TRIM11: variants seen among roughly 807,000 people sequenced by gnomAD.
TRIM11 encodes tripartite motif containing 11, also known as E3 ubiquitin-protein ligase TRIM11.
A neutral mutation model predicts 33.4 loss-of-function variants in TRIM11; 15 were observed. The observed-to-expected ratio is 0.45, with a 90% CI of 0.30 to 0.69. The LOEUF is 0.69. TRIM11 is among the 30% of genes least tolerant of loss of function. The pLI is 0.08. For missense variants in TRIM11, 499 were observed against 667.6 expected, an observed-to-expected ratio of 0.75 and a Z score of 2.78; for synonymous variants, 281 against 302.6, an observed-to-expected ratio of 0.93 and a Z score of 0.74.
chr1:228,395,010 TCTC>T lies in TRIM11; in HGVS notation c.1099_1101del (p.Glu367del), dbSNP rs747946142. The stretch of plus-strand genomic sequence containing the variant: ...CCGTTGCCCGCGGACAGCTCGCCCT[TCTC>T]CTTCCTGTTCACGTTCTCCCTGCAC... On this transcript the variant is annotated inframe_deletion, in exon 6 of 6. Transcript: ENST00000284551. This position sits in a 1 kb window ranked among gnomAD's most constrained non-coding sequence, Gnocchi z 4.8. 3 of 1,614,016 alleles carry T rather than the reference TCTC, an allele frequency of 1.9e-6. No homozygotes were observed. The highest frequency in any genetic ancestry group is 2.5e-6 in the Non-Finnish European group (3 of 1,179,978).
chr1:228,406,639 G>A lies in TRIM11; in HGVS notation c.-78C>T. 5.3e-6 allele frequency: 7 copies of A among 1,314,482 alleles called. No homozygotes were observed. Among genetic ancestry groups the A allele is most frequent in the Middle Eastern group, 2.8e-4 (1 of 3,536 alleles). 81.4% of individuals were successfully genotyped at this position (1,314,482 alleles called of 1,614,324 possible). A position where few individuals can be genotyped will look rare whatever the true frequency, so the allele number is the denominator to read the frequency against. On this transcript the variant is annotated 5_prime_UTR_variant, in exon 1 of 6. Coordinates refer to ENST00000284551, the MANE Select transcript of TRIM11 (RefSeq NM_145214.3). The surrounding 1 kb of genome is among the most constrained non-coding windows in gnomAD (Gnocchi z 8.2). ...GCCTCGGCAGCTCGCGGGGACGCGG[G>A]GTATCCGGGTGCGGCGGCGCAGGCT...
chr1:228,402,287 AG>A, intron 1 of TRIM11, 126 bp from the exon 2 acceptor site: 1 of 670,890 alleles, frequency 1.5e-6, no homozygotes. Context: ...CTGGTGAATC[AG>A]GGAACTCAAT....
chr1:228,400,690 C>G lies in TRIM11; in HGVS notation c.735+274G>C, dbSNP rs1656175840. 6.6e-6 allele frequency among the ~76,000 whole-genome samples: 1 copy of G among 152,174 alleles called. No individual in the cohort carries two copies. Among genetic ancestry groups the G allele is most frequent in the Non-Finnish European group, 1.5e-5 (1 of 68,020 alleles). On this transcript the variant is annotated intron_variant, in intron 3 of 5. Coordinates refer to ENST00000284551, the MANE Select transcript of TRIM11 (RefSeq NM_145214.3). The surrounding 1 kb of genome is among the most constrained non-coding windows in gnomAD (Gnocchi z 4.5). ...TGTCAGTCAGGACGAGATGGAGTGACCTTATGTAATCACTTAAGAAACATC... is the reference window on the plus strand; with the variant it reads ...TGTCAGTCAGGACGAGATGGAGTGAGCTTATGTAATCACTTAAGAAACATC...
Position 228,397,172 on chromosome 1 carries a change from G to T in TRIM11, c.736-7C>A. The T allele has an allele frequency of 6.2e-7, 1 of 1,611,918 alleles. No individual in the cohort carries two copies. Among genetic ancestry groups the T allele is most frequent in the Non-Finnish European group, 8.5e-7 (1 of 1,178,648 alleles). On this transcript the variant is annotated splice_polypyrimidine_tract_variant and splice_region_variant and intron_variant, in intron 3 of 5. Coordinates refer to ENST00000284551, the MANE Select transcript of TRIM11 (RefSeq NM_145214.3). ...GCAGGGCGTCCTTGATGTCCTATGT[G>T]GGGAGGAGAAACAGCACACTCGGTG...
chr1:228,402,086 C>T lies in TRIM11; in HGVS notation c.484G>A (p.Glu162Lys). 1 of 1,613,136 alleles carries T rather than the reference C, an allele frequency of 6.2e-7. No individual in the cohort carries two copies. The change falls in exon 2 of 6, where the codon GAG (glutamate) becomes AAG (lysine). Residue 162 changes from glutamate (E) to lysine (K), a missense_variant. By Grantham distance (56) the Glu-to-Lys change is moderately conservative. Transcript: ENST00000284551. ...DALLFQAQAD[E>K]TCVLWQKMVE... ...CCTGCCTGCCACAAGACGCAGGTCT[C>T]ATCCGCCTGGGCTTGGAACAGCAAC... is the stretch of plus-strand genomic sequence containing the variant.
Position 228,394,683 on chromosome 1 carries a change from G to A in TRIM11, c.*22C>T, listed in dbSNP as rs775729615. On this transcript the variant is annotated 3_prime_UTR_variant, in exon 6 of 6. Coordinates refer to ENST00000284551, the MANE Select transcript of TRIM11 (RefSeq NM_145214.3). The surrounding 1 kb of genome is among the most constrained non-coding windows in gnomAD (Gnocchi z 6.2). The stretch of plus-strand genomic sequence containing the variant: ...CCTGGAGGGGCAGGAGAGGCAACAG[G>A]ACTCCTCCAGGAGGGCCCGAGTCAC... 16 of 1,565,808 alleles carry A rather than the reference G, an allele frequency of 1.0e-5. No individual in the cohort carries two copies. The highest frequency in any genetic ancestry group is 1.4e-5 in the Non-Finnish European group (16 of 1,152,928).
Position 228,395,533 on chromosome 1 carries a change from T to A in TRIM11, c.860-281A>T, listed in dbSNP as rs1329419864. 57 of 267,156 alleles carry A rather than the reference T, an allele frequency of 2.1e-4. No individual in the cohort carries two copies. The highest frequency in any genetic ancestry group is 3.9e-4 in the East Asian group (6 of 15,488). The allele number at this position is 267,156 out of a possible 1,614,324, so 16.5% of individuals were successfully genotyped here. On this transcript the variant is annotated intron_variant, in intron 5 of 5. Coordinates refer to ENST00000284551, the MANE Select transcript of TRIM11 (RefSeq NM_145214.3). This position sits in a 1 kb window ranked among gnomAD's most constrained non-coding sequence, Gnocchi z 4.8. ...TCTTGGTTGCTTTTTTTTTTTTTTT[T>A]AAAGAGGCAGGGTCTTGCTCTGTGG...
rs1457065135 is a variant in TRIM11, at chr1:228,395,946, G to A, written c.860-694C>T. The A allele has an allele frequency of 6.6e-6, 1 of 152,368 alleles. No homozygotes were observed. Among genetic ancestry groups the A allele is most frequent in the East Asian group, 1.9e-4 (1 of 5,196 alleles). 9.4% of individuals were successfully genotyped at this position (152,368 alleles called of 1,614,324 possible). A position where few individuals can be genotyped will look rare whatever the true frequency, so the allele number is the denominator to read the frequency against. On this transcript the variant is annotated intron_variant, in intron 5 of 5. Transcript: ENST00000284551. This position sits in a 1 kb window ranked among gnomAD's most constrained non-coding sequence, Gnocchi z 4.8. ...CCTGCACACAGTTCCTACACAACAG[G>A]CTCCTGACCTGCTAGCAAGAGCTGA...
chr1:228,399,879 C>CAAAAAAAAAAAAAAA (rs55896989), intron 3 of TRIM11, among the ~76,000 whole-genome samples: 1 of 115,960 alleles, frequency 8.6e-6, no homozygotes. Flanking sequence ...CTTAAATCTA[C>CAAAAAAAAAAAAAAA]AAAAAAAAAA....
Position 228,401,993 on chromosome 1 carries a change from C to T in TRIM11, c.504+73G>A, listed in dbSNP as rs2149093340. The T allele has an allele frequency of 1.6e-6, 2 of 1,289,596 alleles. No individual in the cohort carries two copies. The highest frequency in any genetic ancestry group is 1.5e-5 in the African/African-American group (1 of 66,906). The allele number at this position is 1,289,596 out of a possible 1,614,324, so 79.9% of individuals were successfully genotyped here. ...GGCAAGTGTGCCTGGCCAGCATCGC[C>T]CCCTGGGGTCTCCTATACAGGACCT... On this transcript the variant is annotated intron_variant, in intron 2 of 5. Coordinates refer to ENST00000284551, the MANE Select transcript of TRIM11 (RefSeq NM_145214.3). The surrounding 1 kb of genome is among the most constrained non-coding windows in gnomAD (Gnocchi z 6.1).
intron 1 of TRIM11, 63 bp from the exon 2 acceptor site, chr1:228,402,224 C>T (rs778574190): frequency 1.6e-6 from 2 of 1,286,838 alleles, no homozygotes; most frequent in African/African-American, 1.5e-5. Flanking sequence ...TGCCCTTTTG[C>T]ACCTGACACC....
chr1:228,397,193 CG>C, intron 3 of TRIM11, 28 bp from the exon 4 acceptor site: 1 of 1,606,864 alleles, frequency 6.2e-7, no homozygotes. Flanking sequence ...ACAGCACACT[CG>C]GTGTCAGTGA....
At position 228,401,272 on chromosome 1, in the gene TRIM11, C is replaced by A; in HGVS notation, c.505-78G>T. ...ACCCCAAGTTTGGTCAGACCCCAAG[C>A]CCACCCAGAGGCCTGGCTGCACCCA... On this transcript the variant is annotated intron_variant, in intron 2 of 5. Transcript: ENST00000284551. This position sits in a 1 kb window ranked among gnomAD's most constrained non-coding sequence, Gnocchi z 6.1. The A allele has an allele frequency of 1.3e-6, 2 of 1,521,322 alleles. No homozygotes were observed. Among genetic ancestry groups the A allele is most frequent in the Non-Finnish European group, 1.8e-6 (2 of 1,128,598 alleles). The allele number at this position is 1,521,322 out of a possible 1,614,324, so 94.2% of individuals were successfully genotyped here.
intron 3 of TRIM11, 86 bp from the exon 4 acceptor site, chr1:228,397,251 C>A: frequency 6.7e-7 from 1 of 1,490,808 alleles, no homozygotes; most frequent in Non-Finnish European, 9.1e-7. Context: ...GAGCCTCGCC[C>A]CGTCCCCCTC....
rs2074968222 is a variant in TRIM11, at chr1:228,395,008, C to G, written c.1104G>C (p.Lys368Asn). ...AGCCGTTGCCCGCGGACAGCTCGCCCTTCTCCTTCCTGTTCACGTTCTCCC... is the reference window on the plus strand; with the variant it reads ...AGCCGTTGCCCGCGGACAGCTCGCCGTTCTCCTTCCTGTTCACGTTCTCCC... ...VCRENVNRKE[K>N]GELSAGNGFW... The change falls in exon 6 of 6, where the codon AAG becomes AAC. Residue 368 changes from lysine to asparagine, a missense_variant. Lys to Asn is a moderately conservative substitution (Grantham distance 94, BLOSUM62 0). Transcript: ENST00000284551. The surrounding 1 kb of genome is among the most constrained non-coding windows in gnomAD (Gnocchi z 4.8). 3.1e-6 allele frequency: 5 copies of G among 1,614,162 alleles called. No individual in the cohort carries two copies. The East Asian group carries it at 1.1e-4, about 36-fold the overall frequency.
intron 4 of TRIM11, 29 bp downstream of exon 4, chr1:228,397,114 C>A (rs374145828): frequency 1.1e-5 from 18 of 1,613,682 alleles, no homozygotes; most frequent in African/African-American, 2.7e-5. Flanking sequence ...TCCCTCCTGC[C>A]CCCCCTCCAG....
intron 3 of TRIM11, among the ~76,000 whole-genome samples, chr1:228,398,260 C>T (rs780383808): frequency 6.6e-6 from 1 of 152,166 alleles, no homozygotes; most frequent in Non-Finnish European, 1.5e-5. Flanking sequence ...GGTTTCCCTA[C>T]ATGTAGGAGA....
rs555034508 is a variant in TRIM11 at position 228,406,829 on chromosome 1, C to G, written c.-268G>C. ...TCCCGGATGCCGGCAGGAAGAGGAG[C>G]CGAGGCGGAAGCAGGAAGCGACTGG... On this transcript the variant is annotated 5_prime_UTR_variant, in exon 1 of 6. Transcript: ENST00000284551. The surrounding 1 kb of genome is among the most constrained non-coding windows in gnomAD (Gnocchi z 8.2). The G allele has an allele frequency of 4.1e-6, 1 of 243,972 alleles. No individual in the cohort carries two copies. Among genetic ancestry groups the G allele is most frequent in the African/African-American group, 3.2e-5 (1 of 31,128 alleles). The allele number at this position is 243,972 out of a possible 1,614,324, so 15.1% of individuals were successfully genotyped here.
intron 5 of TRIM11, chr1:228,396,335 A>G (rs187260842): frequency 2.1e-4 from 74 of 355,046 alleles, no homozygotes; most frequent in East Asian, 1.8e-3. Flanking sequence ...AAAGACACCT[A>G]AACAGCTCTT....
Sources: allele counts gnomAD v4.1 joint callset (sites outside exome capture counted in the v4.1 genomes callset), GRCh38; gene constraint gnomAD v4.1.1; non-coding constraint Gnocchi (gnomAD v3.1); transcripts MANE v1.5; gene names NCBI Gene and HGNC (gene_info 2026-07-23, HGNC 2026-07-21).